ATXN8OS: variants seen among roughly 807,000 people sequenced by gnomAD.
The protein encoded by ATXN8OS is ATXN8 opposite strand (non-protein coding).
intron 3 of ATXN8OS, among the ~76,000 whole-genome samples, chr13:70,144,952 A>G (rs996220175): frequency 1.3e-5 from 2 of 152,160 alleles, no homozygotes; most frequent in African/African-American, 2.4e-5. Context: ...TTCTATGTCA[A>G]GGTGTCACAC....
intron 3 of ATXN8OS, chr13:70,129,896 A>T (rs748991535): frequency 2.5e-6 from 1 of 398,474 alleles, no homozygotes. Context: ...TAAAAACATC[A>T]AAAGGTTGTA....
intron 1 of ATXN8OS, chr13:70,115,121 A>G (rs1888255760): frequency 2.5e-6 from 1 of 398,008 alleles, no homozygotes; most frequent in African/African-American, 2.1e-5. Flanking sequence ...TATAAATAAC[A>G]TAAATTTATT....
chr13:70,157,132 G>C (rs958387515), intron 4 of ATXN8OS, among the ~76,000 whole-genome samples: 1 of 148,946 alleles, frequency 6.7e-6, no homozygotes, highest in Non-Finnish European at 1.5e-5. Context: ...CCGATTTTTT[G>C]ATTAAAGGCT....
At chr13:70,111,490 A>G (rs551492283) in intron 1 of ATXN8OS, among the ~76,000 whole-genome samples, 2 of 152,242 alleles carry the variant, frequency 1.3e-5, no homozygotes, top group Admixed American at 1.3e-4. Flanking sequence ...TCCTTTTCTT[A>G]TAAAGCCACT....
At chr13:70,111,452 G>A (rs1050274371) in intron 1 of ATXN8OS, among the ~76,000 whole-genome samples, 2 of 152,102 alleles carry the variant, frequency 1.3e-5, no homozygotes, top group East Asian at 1.9e-4. Flanking sequence ...ATGGCAATGG[G>A]GTTAAGCATG....
At chr13:70,146,281 T>C (rs1037590237) in intron 3 of ATXN8OS, among the ~76,000 whole-genome samples, 1 of 144,752 alleles carries the variant, frequency 6.9e-6, no homozygotes, top group African/African-American at 2.6e-5. Context: ...CTGGAGAGGA[T>C]GTGGAGAAAT....
chr13:70,146,729 A>T (rs1888791311), intron 3 of ATXN8OS, among the ~76,000 whole-genome samples: 1 of 143,878 alleles, frequency 7.0e-6, no homozygotes, highest in Non-Finnish European at 1.5e-5. Context: ...ACACATGGAC[A>T]CAGGAAGGGG....
intron 4 of ATXN8OS, among the ~76,000 whole-genome samples, chr13:70,155,839 T>C (rs1019474676): frequency 1.3e-5 from 2 of 152,098 alleles, no homozygotes; most frequent in Non-Finnish European, 2.9e-5. Flanking sequence ...ATCTTAACTT[T>C]CTGTCATATA....
intron 2 of ATXN8OS, among the ~76,000 whole-genome samples, chr13:70,119,773 T>C (rs544044736): frequency 6.6e-6 from 1 of 152,106 alleles, no homozygotes; most frequent in African/African-American, 2.4e-5. Context: ...CTTTTTGTCA[T>C]GCTCAAAAAA....
intron 3 of ATXN8OS, among the ~76,000 whole-genome samples, chr13:70,142,438 C>T (rs931485357): frequency 2.6e-5 from 4 of 152,116 alleles, no homozygotes; most frequent in African/African-American, 9.7e-5. Flanking sequence ...TGATTCAAAA[C>T]CTTTCCCTCA....
chr13:70,152,949 T>G (rs958952085), intron 4 of ATXN8OS, among the ~76,000 whole-genome samples: 5 of 150,570 alleles, frequency 3.3e-5, no homozygotes, highest in African/African-American at 1.2e-4. Flanking sequence ...TAAAATAATA[T>G]GAAGGAGCCT....
intron 2 of ATXN8OS, among the ~76,000 whole-genome samples, chr13:70,117,381 T>C (rs1162718485): frequency 6.6e-6 from 1 of 152,116 alleles, no homozygotes; most frequent in Non-Finnish European, 1.5e-5. Context: ...AAAAAAACTA[T>C]GCTTTTTCCT....
At chr13:70,125,194 T>C (rs1313417879) in intron 2 of ATXN8OS, among the ~76,000 whole-genome samples, 2 of 152,160 alleles carry the variant, frequency 1.3e-5, no homozygotes, top group Non-Finnish European at 2.9e-5. Context: ...TATTTCTCAA[T>C]ATAAACTATA....
chr13:70,118,068 T>G (rs528233390), intron 2 of ATXN8OS, among the ~76,000 whole-genome samples: 1 of 152,236 alleles, frequency 6.6e-6, no homozygotes, highest in East Asian at 1.9e-4. Flanking sequence ...GTTCTAGGAA[T>G]AGTCAGAATT....
chr13:70,166,135 T>G (rs1889072990), intron 4 of ATXN8OS, among the ~76,000 whole-genome samples: 1 of 151,968 alleles, frequency 6.6e-6, no homozygotes, highest in South Asian at 2.1e-4. Flanking sequence ...TGCTGACTAT[T>G]GTCAACCAAT....
intron 2 of ATXN8OS, among the ~76,000 whole-genome samples, chr13:70,116,878 T>A (rs1368520288): frequency 1.3e-5 from 2 of 152,124 alleles, no homozygotes; most frequent in Non-Finnish European, 2.9e-5. Context: ...CTTTTTCTTT[T>A]CATTTTTAGA....
At chr13:70,109,104 A>C (rs527879363) in intron 1 of ATXN8OS, among the ~76,000 whole-genome samples, 1 of 152,366 alleles carries the variant, frequency 6.6e-6, no homozygotes, top group South Asian at 2.1e-4. Flanking sequence ...CTTCTAGTAC[A>C]TAAATCATTG....
At chr13:70,151,421 A>G (rs1888865065) in intron 4 of ATXN8OS, among the ~76,000 whole-genome samples, 1 of 152,126 alleles carries the variant, frequency 6.6e-6, no homozygotes, top group African/African-American at 2.4e-5. Flanking sequence ...TTCACGCAAC[A>G]TAATATCCCC....
chr13:70,112,920 A>ATATATTTTTTTTTTT (rs1555298511), intron 1 of ATXN8OS, among the ~76,000 whole-genome samples: 15 of 87,568 alleles, frequency 1.7e-4, no homozygotes, highest in Non-Finnish European at 2.6e-4. Context: ...TATATATATA[A>ATATATTTTTTTTTTT]TTTTTTTTTT....
Sources: allele counts gnomAD v4.1 joint callset (sites outside exome capture counted in the v4.1 genomes callset), GRCh38; gene constraint gnomAD v4.1.1; transcripts MANE v1.5; gene names NCBI Gene and HGNC (gene_info 2026-07-23, HGNC 2026-07-21).